Variants in CDH12 observed in about 807,000 individuals in gnomAD.
The protein encoded by CDH12 is cadherin 12, also known as cadherin-12.
A neutral mutation model predicts 74.1 loss-of-function variants in CDH12; 41 were observed. The ratio of observed to expected loss-of-function variants is 0.55; its 90% CI spans 0.43 to 0.72. CDH12 has a LOEUF of 0.72. Ranked by LOEUF, CDH12 falls within the 30% of genes least tolerant of loss-of-function variation. CDH12 has a pLI of 0.00. For synonymous variants in CDH12, 399 were observed against 355.0 expected, an observed-to-expected ratio of 1.12 and a Z score of -1.39; for missense variants, 945 against 977.2, an observed-to-expected ratio of 0.97 and a Z score of 0.44.
At chr5:21,849,658 CTT>C (rs1750361170) in intron 7 of CDH12, among the ~76,000 whole-genome samples, 1 of 151,716 alleles carries the variant, frequency 6.6e-6, no homozygotes, top group South Asian at 2.1e-4. Context: ...GGAAAAGACT[CTT>C]TTATTTTGCC....
In CDH12 at chr5:21,797,394, C is replaced by T. The variant is rs76368068; in HGVS notation, c.1256+4773G>A. ...AGGTGTTTTCACTCTCATTCTTAAG[C>T]GGGTAAACACATTTTCAGAACAAGG... is the stretch of plus-strand genomic sequence containing the variant. On this transcript the variant is annotated intron_variant, in intron 10 of 14. Transcript: ENST00000382254. Among the ~76,000 whole-genome samples the T allele has an allele frequency of 8.8e-3, 1,334 of 152,166 alleles. 16 individuals carry two copies. Among genetic ancestry groups the T allele is most frequent in the African/African-American group, 0.03 (1,235 of 41,526 alleles).
chr5:22,341,985 C>A (rs1214423784), intron 3 of CDH12, among the ~76,000 whole-genome samples: 1 of 152,018 alleles, frequency 6.6e-6, no homozygotes, highest in African/African-American at 2.4e-5. Context: ...TCTCACGGTT[C>A]TTGAGGCAGA....
intron 3 of CDH12, among the ~76,000 whole-genome samples, chr5:22,381,496 T>C (rs895652160): frequency 2.6e-5 from 4 of 152,016 alleles, no homozygotes; most frequent in African/African-American, 7.2e-5. Flanking sequence ...CTGGGACATT[T>C]TATTTATTTA....
intron 1 of CDH12, among the ~76,000 whole-genome samples, chr5:22,601,795 G>A (rs1432735067): frequency 6.6e-6 from 1 of 152,014 alleles, no homozygotes; most frequent in African/African-American, 2.4e-5. Flanking sequence ...TAGGAAACAA[G>A]GATGGGGTGC....
At chr5:22,547,445 G>T (rs115151583) in intron 1 of CDH12, among the ~76,000 whole-genome samples, 79 of 152,174 alleles carry the variant, frequency 5.2e-4, no homozygotes, top group African/African-American at 1.8e-3. Flanking sequence ...AATGAAAAAT[G>T]TATTTGTTTA....
intron 1 of CDH12, among the ~76,000 whole-genome samples, chr5:22,803,420 A>T (rs369638526): frequency 3.7e-4 from 57 of 152,160 alleles, no homozygotes; most frequent in African/African-American, 1.3e-3. Context: ...AACTACAAGG[A>T]TTACTGATAG....
At chr5:22,321,141 A>G (rs1738858782) in intron 3 of CDH12, among the ~76,000 whole-genome samples, 2 of 152,174 alleles carry the variant, frequency 1.3e-5, no homozygotes, top group African/African-American at 4.8e-5. Context: ...TTTTCAAAAA[A>G]ATAAATTTAA....
At chr5:22,518,247 C>A (rs775454850) in intron 1 of CDH12, among the ~76,000 whole-genome samples, 5 of 152,230 alleles carry the variant, frequency 3.3e-5, no homozygotes, top group Non-Finnish European at 5.9e-5. Flanking sequence ...CAAGCACCAT[C>A]TCTTCATCAT....
intron 3 of CDH12, among the ~76,000 whole-genome samples, chr5:22,309,816 C>T (rs1282464498): frequency 6.6e-6 from 1 of 151,800 alleles, no homozygotes; most frequent in African/African-American, 2.4e-5. Context: ...TAGTTTCTGC[C>T]AGTCAATATT....
At chr5:22,849,010 C>G (rs1364521241) in intron 1 of CDH12, among the ~76,000 whole-genome samples, 1 of 151,358 alleles carries the variant, frequency 6.6e-6, no homozygotes, top group East Asian at 1.9e-4. Context: ...AGACAAGTCA[C>G]TTGGGAACCC....
intron 4 of CDH12, among the ~76,000 whole-genome samples, chr5:22,117,479 T>TATATATA (rs1745208918): frequency 1.8e-5 from 1 of 55,042 alleles, no homozygotes; most frequent in African/African-American, 6.8e-5. Context: ...ATATATATAT[T>TATATATA]ATATATATAT....
chr5:22,689,001 C>T (rs886945068), intron 1 of CDH12, among the ~76,000 whole-genome samples: 8 of 151,982 alleles, frequency 5.3e-5, no homozygotes, highest in East Asian at 1.9e-4. Context: ...GTAACTAGAG[C>T]TGTGAAAAAT....
intron 1 of CDH12, among the ~76,000 whole-genome samples, chr5:22,653,885 C>A (rs1040061574): frequency 2.0e-5 from 3 of 152,206 alleles, no homozygotes; most frequent in African/African-American, 7.2e-5. Context: ...AGTCTCCGAG[C>A]TTATCCCTAC....
At chr5:22,148,094 A>G (rs1327348695) in intron 4 of CDH12, among the ~76,000 whole-genome samples, 1 of 152,124 alleles carries the variant, frequency 6.6e-6, no homozygotes, top group Non-Finnish European at 1.5e-5. Context: ...GTTCCTGTAC[A>G]GCGCCCCTTT....
At chr5:22,806,068 T>A (rs1047562067) in intron 1 of CDH12, among the ~76,000 whole-genome samples, 18 of 152,168 alleles carry the variant, frequency 1.2e-4, no homozygotes, top group African/African-American at 4.3e-4. Context: ...TTGATGAGCG[T>A]TTGAGTTGGT....
intron 4 of CDH12, among the ~76,000 whole-genome samples, chr5:22,111,662 G>T (rs1744824109): frequency 1.3e-5 from 2 of 152,026 alleles, no homozygotes; most frequent in African/African-American, 4.8e-5. Flanking sequence ...CATGGTAATT[G>T]TGCTACCCCA....
chr5:22,678,284 G>A (rs1268337434), intron 1 of CDH12, among the ~76,000 whole-genome samples: 1 of 152,032 alleles, frequency 6.6e-6, no homozygotes, highest in Admixed American at 6.6e-5. Flanking sequence ...TTTTTCTTTG[G>A]AGTGTTTGTA....
chr5:21,770,297 T>C (rs547355639), intron 11 of CDH12, among the ~76,000 whole-genome samples: 2 of 152,190 alleles, frequency 1.3e-5, no homozygotes, highest in Non-Finnish European at 2.9e-5. Flanking sequence ...TGTTTCTTTA[T>C]TGAAAAATAA....
chr5:22,827,253 A>T (rs1736387263), intron 1 of CDH12, among the ~76,000 whole-genome samples: 1 of 152,222 alleles, frequency 6.6e-6, no homozygotes, highest in African/African-American at 2.4e-5. Flanking sequence ...CTGCGAGTAC[A>T]CAGAATTCAA....
Sources: gnomAD v4.1 joint callset for allele counts (sites outside exome capture counted in the v4.1 genomes callset) on GRCh38, gnomAD v4.1.1 for gene constraint, MANE v1.5 for transcripts, NCBI Gene and HGNC (gene_info 2026-07-23, HGNC 2026-07-21) for gene names.